CAPZA2: variants seen among roughly 807,000 people sequenced by gnomAD.
CAPZA2 encodes the protein capping actin protein of muscle Z-line subunit alpha 2, also known as F-actin-capping protein subunit alpha-2.
Under a neutral mutation model 44.0 loss-of-function variants are expected in CAPZA2, and 13 were observed. That is an observed-to-expected ratio of 0.30 (90% CI 0.19 to 0.47). The LOEUF (loss-of-function observed/expected upper bound fraction) is 0.47. Ranked by LOEUF, CAPZA2 falls within the 20% of genes least tolerant of loss-of-function variation. CAPZA2 has a pLI of 1.00. For synonymous variants in CAPZA2, 94 were observed against 108.2 expected, an observed-to-expected ratio of 0.87 and a Z score of 0.81; for missense variants, 244 against 338.6, an observed-to-expected ratio of 0.72 and a Z score of 2.19.
At chr7:116,894,328 C>T (rs543171168) in intron 3 of CAPZA2, among the ~76,000 whole-genome samples, 1 of 147,374 alleles carries the variant, frequency 6.8e-6, no homozygotes, top group African/African-American at 2.5e-5. Context: ...CGCCACTGCA[C>T]TCCAGCCTGG....
intron 5 of CAPZA2, 169 bp downstream of exon 5, chr7:116,904,552 A>G (rs1389169758): frequency 1.7e-6 from 1 of 584,498 alleles, no homozygotes; most frequent in Non-Finnish European, 3.0e-6. Context: ...TGGATAATAA[A>G]TAGATATACT....
intron 6 of CAPZA2, among the ~76,000 whole-genome samples, chr7:116,909,580 C>CT (rs1791559699): frequency 1.3e-5 from 2 of 148,660 alleles, no homozygotes; most frequent in Non-Finnish European, 3.0e-5. Flanking sequence ...AATTGGAAAA[C>CT]TAAAAAAAAA....
At chr7:116,878,610 C>T (rs1406803681) in intron 1 of CAPZA2, among the ~76,000 whole-genome samples, 1 of 152,166 alleles carries the variant, frequency 6.6e-6, no homozygotes, top group Non-Finnish European at 1.5e-5. Context: ...CGCATTGCCA[C>T]CATCTTTCTC....
At chr7:116,890,525 A>AAATATATATAT (rs1554409611) in intron 2 of CAPZA2, among the ~76,000 whole-genome samples, 1 of 27,226 alleles carries the variant, frequency 3.7e-5, no homozygotes, top group African/African-American at 1.6e-4. Flanking sequence ...AAAAAAAAAA[A>AAATATATATAT]ATATATATAT....
rs912041005 is a variant in CAPZA2, at chr7:116,918,455, C to T, written c.*588C>T. ...AGTGTTGAACTAAATTTTTTTTAAACAAGGCAAGGTCTAATGCTGTTTTGA... is the reference window on the plus strand; with the variant it reads ...AGTGTTGAACTAAATTTTTTTTAAATAAGGCAAGGTCTAATGCTGTTTTGA... On this transcript the variant is annotated 3_prime_UTR_variant, in exon 10 of 10. Coordinates refer to ENST00000361183, the MANE Select transcript of CAPZA2 (RefSeq NM_006136.3). 1.3e-5 allele frequency: 2 copies of T among 152,590 alleles called. No individual in the cohort carries two copies. Among genetic ancestry groups the T allele is most frequent in the Non-Finnish European group, 2.9e-5 (2 of 68,036 alleles). 9.5% of individuals were successfully genotyped at this position (152,590 alleles called of 1,614,324 possible). A position where few individuals can be genotyped will look rare whatever the true frequency, so the allele number is the denominator to read the frequency against.
At position 116,920,992 on chromosome 7, in the gene CAPZA2, G is replaced by C. The variant is rs1210749029; in HGVS notation, c.*3125G>C. The C allele has an allele frequency of 6.6e-6, 1 of 152,404 alleles. No individual in the cohort carries two copies. Among genetic ancestry groups the C allele is most frequent in the Non-Finnish European group, 1.5e-5 (1 of 68,226 alleles). The allele number at this position is 152,404 out of a possible 1,614,324, so 9.4% of individuals were successfully genotyped here. On this transcript the variant is annotated 3_prime_UTR_variant, in exon 10 of 10. Transcript: ENST00000361183. ...CTGTGGAATTTCAGCTGGGTAAGCA[G>C]GGAAGTGAGGGCTTGAGACGGGGGG...
At chr7:116,893,361 C>A (rs1796876588) in intron 3 of CAPZA2, among the ~76,000 whole-genome samples, 1 of 152,086 alleles carries the variant, frequency 6.6e-6, no homozygotes, top group South Asian at 2.1e-4. Flanking sequence ...GAATTCCTGA[C>A]CTCGTGATCC....
chr7:116,917,735 C>A lies in CAPZA2; in HGVS notation c.729C>A (p.Ile243=). The change falls in exon 10 of 10, where the codon ATC becomes ATA. Residue 243 remains isoleucine, a synonymous_variant. Coordinates refer to ENST00000361183, the MANE Select transcript of CAPZA2 (RefSeq NM_006136.3). The part of the protein sequence containing the change: ...EAAENEYQTA[I]SENYQTMSDT... ...ACTATTGTTTTTCATAGACTGCCAT[C>A]AGTGAGAATTATCAGACAATGTCGG... 1 of 1,604,410 alleles carries A rather than the reference C, an allele frequency of 6.2e-7. No homozygotes were observed. Among genetic ancestry groups the A allele is most frequent in the African/African-American group, 1.3e-5 (1 of 74,884 alleles).
At position 116,862,617 on chromosome 7, in the gene CAPZA2, G is replaced by A. The variant is rs767575888; in HGVS notation, c.6G>A (p.Ala2=). ...GGTTTGTCGCCAGAAGGAAGATGGC[G>A]GATCTGGAGGAGCAGTTGTCTGATG... is the stretch of plus-strand genomic sequence containing the variant. M[A]DLEEQLSDEE... is the part of the protein sequence containing the mutation. The change falls in exon 1 of 10, where the codon GCG becomes GCA. Residue 2 remains alanine, a synonymous_variant. Transcript: ENST00000361183. 22 of 1,539,330 alleles carry A rather than the reference G, an allele frequency of 1.4e-5. No homozygotes were observed. Among genetic ancestry groups the A allele is most frequent in the African/African-American group, 1.4e-5 (1 of 71,284 alleles).
At chr7:116,893,093 C>A in intron 3 of CAPZA2, 48 bp downstream of exon 3, 1 of 1,232,140 alleles carries the variant, frequency 8.1e-7, no homozygotes. Context: ...CATGGGAAAA[C>A]GAGAGATGCT....
In CAPZA2 at chr7:116,910,264, A is replaced by G. The variant is rs369919083; in HGVS notation, c.538A>G (p.Thr180Ala). 1.2e-6 allele frequency: 2 copies of G among 1,602,774 alleles called. No individual in the cohort carries two copies. The highest frequency in any genetic ancestry group is 1.7e-6 in the Non-Finnish European group (2 of 1,169,764). Residue 180 changes from threonine to alanine, a missense_variant, in exon 7 of 10, where the codon ACA (threonine) becomes GCA (alanine). Thr to Ala is a moderately conservative substitution (Grantham distance 58). Coordinates refer to ENST00000361183, the MANE Select transcript of CAPZA2 (RefSeq NM_006136.3). ...TCGTTGGAGGTCAGAATGGAAGTTT[A>G]CAATCACTCCTTCAACCACTCAAGT... ...NGRWRSEWKF[T>A]ITPSTTQVVG...
intron 8 of CAPZA2, among the ~76,000 whole-genome samples, chr7:116,915,028 A>G (rs777732877): frequency 1.4e-4 from 21 of 152,136 alleles, no homozygotes; most frequent in Non-Finnish European, 2.5e-4. Context: ...CTGTAATCCT[A>G]TCATTTCGGG....
chr7:116,875,997 A>G (rs1796615877), intron 1 of CAPZA2: 2 of 152,152 alleles, frequency 1.3e-5, no homozygotes, highest in Non-Finnish European at 2.9e-5. Context: ...GATGCCTGTA[A>G]TCCCAGCACT....
At chr7:116,875,238 G>C (rs1037073940) in intron 1 of CAPZA2, 5 of 151,966 alleles carry the variant, frequency 3.3e-5, no homozygotes, top group African/African-American at 1.2e-4. Context: ...AGGTTGAATG[G>C]AATCACAAAC....
intron 1 of CAPZA2, among the ~76,000 whole-genome samples, chr7:116,869,842 T>C (rs549095506): frequency 2.6e-5 from 4 of 152,030 alleles, no homozygotes; most frequent in Non-Finnish European, 4.4e-5. Flanking sequence ...GGGAAGGAAA[T>C]GGAATGAATT....
In CAPZA2 at chr7:116,917,908, T is replaced by G; in HGVS notation, c.*41T>G. 1 of 1,566,856 alleles carries G rather than the reference T, an allele frequency of 6.4e-7. No homozygotes were observed. Among genetic ancestry groups the G allele is most frequent in the Non-Finnish European group, 8.8e-7 (1 of 1,138,444 alleles). On this transcript the variant is annotated 3_prime_UTR_variant, in exon 10 of 10. Coordinates refer to ENST00000361183, the MANE Select transcript of CAPZA2 (RefSeq NM_006136.3). ...ACCGGATCATTTTAGTGTCTTTGCG[T>G]TAAAAAATCATTGCAAAAGTATTCT... is the stretch of plus-strand genomic sequence containing the variant.
rs754263459 is a variant in CAPZA2 at position 116,904,367 on chromosome 7, C to A, written c.410C>A (p.Pro137Gln). ...ALRAYVKEHYPNGVCTVYGKK... is the reference protein window; with the variant it reads ...ALRAYVKEHYQNGVCTVYGKK... ...AGAGCTTACGTAAAAGAACATTACC[C>A]GAATGGAGTCTGCACTGTAAGTCAT... The change falls in exon 5 of 10, where the codon CCG becomes CAG. Residue 137 changes from proline (P) to glutamine (Q), a missense_variant. Transcript: ENST00000361183. 7.5e-6 allele frequency: 12 copies of A among 1,610,012 alleles called. No homozygotes were observed. The highest frequency in any genetic ancestry group is 9.3e-6 in the Non-Finnish European group (11 of 1,176,490).
intron 6 of CAPZA2, 96 bp from the exon 7 acceptor site, chr7:116,910,137 C>G: frequency 1.3e-6 from 1 of 742,460 alleles, no homozygotes; most frequent in South Asian, 1.5e-5. Context: ...ATCCCCCACA[C>G]TCTCTCATAC....
intron 1 of CAPZA2, among the ~76,000 whole-genome samples, chr7:116,881,239 CA>C (rs1796693551): frequency 6.6e-6 from 1 of 151,966 alleles, no homozygotes; most frequent in South Asian, 2.1e-4. Context: ...ATCCATATAA[CA>C]GTATAATAAA....
Sources: allele counts gnomAD v4.1 joint callset (sites outside exome capture counted in the v4.1 genomes callset), GRCh38; gene constraint gnomAD v4.1.1; transcripts MANE v1.5; gene names NCBI Gene and HGNC (gene_info 2026-07-23, HGNC 2026-07-21).